The following EPHX4 variants were observed in gnomAD, a reference collection of about 807,000 sequenced individuals.
EPHX4 encodes the protein epoxide hydrolase 4, also known as abhydrolase domain containing 7.
A neutral mutation model predicts 44.9 loss-of-function variants in EPHX4; 31 were observed. The observed-to-expected ratio is 0.69, with a 90% confidence interval of 0.52 to 0.93. The LOEUF is 0.93. Among genes scored for constraint, EPHX4 ranks in the 40% least tolerant of loss-of-function variants. The pLI is 0.00. For missense variants in EPHX4, 373 were observed against 438.1 expected (o/e 0.85, Z 1.33); for synonymous variants, 151 against 159.7 (o/e 0.95, Z 0.41).
chr1:92,051,853 T>A (rs1414371291), intron 5 of EPHX4, among the ~76,000 whole-genome samples: 3 of 152,236 alleles, frequency 2.0e-5, no homozygotes, highest in Non-Finnish European at 4.4e-5. Flanking sequence ...AAATGGTTAT[T>A]TTCTAATTTT....
At chr1:92,054,486 G>A (rs1227350901) in intron 6 of EPHX4, among the ~76,000 whole-genome samples, 3 of 151,422 alleles carry the variant, frequency 2.0e-5, no homozygotes, top group Non-Finnish European at 4.4e-5. Flanking sequence ...CTACTCGGAG[G>A]CTGAGGTAGG....
chr1:92,053,506 T>C (rs1014043851), intron 6 of EPHX4, among the ~76,000 whole-genome samples: 7 of 152,154 alleles, frequency 4.6e-5, no homozygotes, highest in Non-Finnish European at 1.0e-4. Context: ...AGTGTGGTCA[T>C]AGTGCAGAGA....
intron 6 of EPHX4, among the ~76,000 whole-genome samples, chr1:92,054,689 T>C (rs555392027): frequency 2.0e-5 from 3 of 150,814 alleles, no homozygotes; most frequent in African/African-American, 7.3e-5. Context: ...ACAGGGACTA[T>C]AAAGTATGTT....
At chr1:92,049,839 C>G (rs1647215705) in intron 4 of EPHX4, among the ~76,000 whole-genome samples, 1 of 152,116 alleles carries the variant, frequency 6.6e-6, no homozygotes, top group Admixed American at 6.6e-5. Flanking sequence ...TGGCTCATGC[C>G]TGTAATCCCA....
intron 6 of EPHX4, 56 bp downstream of exon 6, chr1:92,052,714 A>T: frequency 7.0e-7 from 1 of 1,424,118 alleles, no homozygotes; most frequent in Non-Finnish European, 9.4e-7. Context: ...TCCTACAGGG[A>T]CAATATTTTA....
chr1:92,045,501 AATG>A, intron 3 of EPHX4, 28 bp from the exon 4 acceptor site: 1 of 1,611,608 alleles, frequency 6.2e-7, no homozygotes, highest in Non-Finnish European at 8.5e-7. Context: ...GTTTCTTTTT[AATG>A]ATGTCAACAT....
intron 2 of EPHX4, among the ~76,000 whole-genome samples, chr1:92,034,312 A>C (rs1460465538): frequency 1.3e-5 from 2 of 151,436 alleles, no homozygotes; most frequent in Non-Finnish European, 2.9e-5. Flanking sequence ...AAAAAAAAAA[A>C]AAAAAAAAGG....
Position 92,030,215 on chromosome 1 carries a change from G to A in EPHX4, c.136G>A (p.Gly46Arg). Residue 46 changes from glycine to arginine, a missense_variant, in exon 1 of 7, where the codon GGG (glycine) becomes AGG (arginine). Gly to Arg is a moderately radical substitution (Grantham distance 125). Transcript: ENST00000370383. ...CAAACTTTTGTGGAGCCTCGGCAAGGGGCCGGCGCAGACCTTCCGGCGGCC... is the reference window on the plus strand; with the variant it reads ...CAAACTTTTGTGGAGCCTCGGCAAGAGGCCGGCGCAGACCTTCCGGCGGCC... Reference protein sequence around the residue: ...LLKLLWSLGKGPAQTFRRPAR... With the variant: ...LLKLLWSLGKRPAQTFRRPAR... The A allele has an allele frequency of 1.2e-6, 2 of 1,606,354 alleles. No individual in the cohort carries two copies. The highest frequency in any genetic ancestry group is 1.7e-6 in the Non-Finnish European group (2 of 1,176,576).
intron 1 of EPHX4, among the ~76,000 whole-genome samples, chr1:92,030,975 TTC>T (rs1396566094): frequency 6.6e-6 from 1 of 152,174 alleles, no homozygotes; most frequent in Non-Finnish European, 1.5e-5. Flanking sequence ...CCCACAAATA[TTC>T]TGTTTCCTGA....
intron 2 of EPHX4, among the ~76,000 whole-genome samples, chr1:92,034,943 C>A (rs560237518): frequency 6.6e-6 from 1 of 152,236 alleles, no homozygotes; most frequent in African/African-American, 2.4e-5. Flanking sequence ...TGCACCCGAC[C>A]CACTTTAGTT....
intron 5 of EPHX4, among the ~76,000 whole-genome samples, chr1:92,051,959 T>C (rs2101873571): frequency 6.6e-6 from 1 of 152,244 alleles, no homozygotes; most frequent in East Asian, 1.9e-4. Flanking sequence ...AATGGCAGGA[T>C]ATATGCTCAT....
chr1:92,051,792 A>T (rs982796453), intron 5 of EPHX4, among the ~76,000 whole-genome samples: 1 of 152,220 alleles, frequency 6.6e-6, no homozygotes, highest in Non-Finnish European at 1.5e-5. Flanking sequence ...AATTAATTTT[A>T]GTATACATTA....
intron 2 of EPHX4, among the ~76,000 whole-genome samples, chr1:92,040,130 T>A (rs1040051057): frequency 6.6e-6 from 1 of 151,830 alleles, no homozygotes; most frequent in South Asian, 2.1e-4. Context: ...CAAATATGTG[T>A]CTGACACTCT....
At chr1:92,062,060 T>C (rs777692198) in intron 6 of EPHX4, among the ~76,000 whole-genome samples, 9 of 151,862 alleles carry the variant, frequency 5.9e-5, no homozygotes, top group Non-Finnish European at 1.5e-5. Flanking sequence ...TTTAAAAACA[T>C]ATATATACAC....
intron 1 of EPHX4, 83 bp from the exon 2 acceptor site, chr1:92,032,422 T>A (rs1360541714): frequency 9.4e-7 from 1 of 1,062,136 alleles, no homozygotes; most frequent in African/African-American, 1.6e-5. Context: ...AGTTACTATT[T>A]TTTTAATGAA....
intron 2 of EPHX4, among the ~76,000 whole-genome samples, chr1:92,035,460 C>T (rs561077045): frequency 3.3e-5 from 5 of 152,262 alleles, no homozygotes; most frequent in Admixed American, 6.5e-5. Flanking sequence ...AAATCTTTCA[C>T]GTGGCCCCAG....
intron 2 of EPHX4, among the ~76,000 whole-genome samples, chr1:92,036,964 A>T (rs534633567): frequency 6.6e-6 from 1 of 152,258 alleles, no homozygotes; most frequent in Non-Finnish European, 1.5e-5. Context: ...AACAAACAAC[A>T]GGAAAAAAAA....
At chr1:92,054,213 AAAG>A (rs769639062) in intron 6 of EPHX4, among the ~76,000 whole-genome samples, 2 of 152,198 alleles carry the variant, frequency 1.3e-5, no homozygotes, top group South Asian at 4.1e-4. Context: ...TGGCAGAAAC[AAAG>A]ACAAAACTTC....
At chr1:92,033,424 A>C (rs1199624815) in intron 2 of EPHX4, among the ~76,000 whole-genome samples, 1 of 152,176 alleles carries the variant, frequency 6.6e-6, no homozygotes, top group Non-Finnish European at 1.5e-5. Flanking sequence ...TAGAGTATCT[A>C]CTATAGACAA....
Sources: allele counts gnomAD v4.1 joint callset (sites outside exome capture counted in the v4.1 genomes callset), GRCh38; gene constraint gnomAD v4.1.1; transcripts MANE v1.5; gene names NCBI Gene and HGNC (gene_info 2026-07-23, HGNC 2026-07-21).